The following CDH12 variants were observed in gnomAD, a reference collection of about 807,000 sequenced individuals.
CDH12 encodes the protein cadherin 12.
CDH12 carries 41 observed loss-of-function variants against 74.1 expected under a neutral mutation model. That is an observed-to-expected ratio of 0.55 (90% confidence interval 0.43 to 0.72). The LOEUF is 0.72. Ranked by LOEUF, CDH12 falls within the 30% of genes least tolerant of loss-of-function variation. CDH12 has a pLI of 0.00. For synonymous variants in CDH12, 399 were observed against 355.0 expected (o/e 1.12, Z -1.39); for missense variants, 945 against 977.2 (o/e 0.97, Z 0.44).
At chr5:21,946,287 T>C (rs1276652565) in intron 6 of CDH12, among the ~76,000 whole-genome samples, 1 of 152,132 alleles carries the variant, frequency 6.6e-6, no homozygotes, top group Non-Finnish European at 1.5e-5. Context: ...AAAGAAATGA[T>C]AAAAGAAGAA....
intron 3 of CDH12, among the ~76,000 whole-genome samples, chr5:22,400,970 G>A (rs948810665): frequency 6.6e-6 from 1 of 152,032 alleles, no homozygotes; most frequent in African/African-American, 2.4e-5. Flanking sequence ...TGTGCTTCGT[G>A]GAGAAGAGCA....
At chr5:21,792,221 C>T (rs551037717) in intron 10 of CDH12, among the ~76,000 whole-genome samples, 1 of 152,000 alleles carries the variant, frequency 6.6e-6, no homozygotes, top group Non-Finnish European at 1.5e-5. Flanking sequence ...TGTAATTTCT[C>T]CATCAGCAAT....
intron 3 of CDH12, among the ~76,000 whole-genome samples, chr5:22,390,829 A>G (rs150976234): frequency 2.6e-4 from 40 of 152,278 alleles, no homozygotes; most frequent in African/African-American, 8.9e-4. Context: ...TTAATACATA[A>G]TCTTAAACAT....
intron 3 of CDH12, among the ~76,000 whole-genome samples, chr5:22,322,647 T>C (rs1233103967): frequency 1.3e-5 from 2 of 152,212 alleles, no homozygotes; most frequent in Non-Finnish European, 2.9e-5. Flanking sequence ...TTTGAATCTG[T>C]CTTTCTAAAT....
chr5:22,681,228 G>GGGGTGTGTGT (rs1428206303), intron 1 of CDH12, among the ~76,000 whole-genome samples: 7 of 105,754 alleles, frequency 6.6e-5, no homozygotes, highest in African/African-American at 1.6e-4. Context: ...GGTATTGGGG[G>GGGGTGTGTGT]GTGTGTGTGT....
chr5:22,640,462 T>G (rs1038386897), intron 1 of CDH12, among the ~76,000 whole-genome samples: 2 of 152,178 alleles, frequency 1.3e-5, no homozygotes, highest in Non-Finnish European at 2.9e-5. Flanking sequence ...TTTCTAATTC[T>G]CCTCTACTTC....
chr5:22,327,882 T>C (rs1739187988), intron 3 of CDH12, among the ~76,000 whole-genome samples: 1 of 152,202 alleles, frequency 6.6e-6, no homozygotes, highest in Non-Finnish European at 1.5e-5. Flanking sequence ...ATTTGATAAA[T>C]AGATTCCAAA....
At chr5:21,791,234 T>C (rs1746480701) in intron 10 of CDH12, among the ~76,000 whole-genome samples, 3 of 152,058 alleles carry the variant, frequency 2.0e-5, no homozygotes, top group Admixed American at 2.0e-4. Context: ...AAATATTTTC[T>C]ATTGTGATAT....
rs1554018728 is a variant in CDH12 at position 22,185,199 on chromosome 5, C to CTCTCTCT, written c.-187+27298_-187+27299insAGAGAGA. On this transcript the variant is annotated intron_variant, in intron 4 of 14. Transcript: ENST00000382254. ...CAGAGTCCTCCTTCTCTCTCTCTCTCTTTTTTTTTTTTTTTTGAGAAGGAG... is the reference window on the plus strand; with the variant it reads ...CAGAGTCCTCCTTCTCTCTCTCTCTCTCTCTCTTTTTTTTTTTTTTTTTGAGAAGGAG... Among the ~76,000 whole-genome samples, 10 of 138,118 alleles carry CTCTCTCT rather than the reference C, an allele frequency of 7.2e-5. No individual in the cohort carries two copies. In the South Asian group the frequency reaches 2.3e-3, roughly 32 times the overall value. The allele number at this position is 138,118 out of a possible 152,430, so 90.6% of individuals were successfully genotyped here. A position where few individuals can be genotyped will look rare whatever the true frequency, so the allele number is the denominator to read the frequency against.
intron 3 of CDH12, among the ~76,000 whole-genome samples, chr5:22,368,466 A>T (rs1394982741): frequency 6.7e-5 from 9 of 135,294 alleles, no homozygotes; most frequent in Admixed American, 1.5e-4. Context: ...AGTCTGGCTA[A>T]TTTTTTTTTT....
chr5:22,378,641 T>C (rs565795015), intron 3 of CDH12, among the ~76,000 whole-genome samples: 41 of 152,248 alleles, frequency 2.7e-4, no homozygotes, highest in African/African-American at 9.4e-4. Context: ...ATTTATTGCA[T>C]GCATTTTGGT....
At chr5:22,609,515 A>T (rs1737288681) in intron 1 of CDH12, among the ~76,000 whole-genome samples, 1 of 152,190 alleles carries the variant, frequency 6.6e-6, no homozygotes, top group Admixed American at 6.5e-5. Flanking sequence ...TCAGAATATA[A>T]ATGTTCACAA....
intron 2 of CDH12, among the ~76,000 whole-genome samples, chr5:22,431,790 GC>G (rs1744183509): frequency 6.6e-6 from 1 of 152,144 alleles, no homozygotes; most frequent in Non-Finnish European, 1.5e-5. Flanking sequence ...AACAGAAAAA[GC>G]TTATAGAATA....
Position 22,138,845 on chromosome 5 carries a change from AATATATATATATATAT to A in CDH12, c.-186-59999_-186-59984del, listed in dbSNP as rs67115449. 1.6e-4 allele frequency among the ~76,000 whole-genome samples: 12 copies of A among 76,578 alleles called. 1 individual carries two copies. The highest frequency in any genetic ancestry group is 5.1e-4 in the Admixed American group (3 of 5,868). The allele number at this position is 76,578 out of a possible 152,430, so 50.2% of individuals were successfully genotyped here. A position where few individuals can be genotyped will look rare whatever the true frequency, so the allele number is the denominator to read the frequency against. On this transcript the variant is annotated intron_variant, in intron 4 of 14. Coordinates refer to ENST00000382254, the MANE Select transcript of CDH12 (RefSeq NM_004061.5). Reference sequence around the variant, plus strand: ...AATATATATGTGTACATATATACGTAATATATATATATATATATATATATATATATACATGTTGGAC... The same window carrying A: ...AATATATATGTGTACATATATACGTAATATATATATATATACATGTTGGAC...
intron 3 of CDH12, among the ~76,000 whole-genome samples, chr5:22,303,503 A>G (rs1245060052): frequency 6.6e-6 from 1 of 152,166 alleles, no homozygotes; most frequent in African/African-American, 2.4e-5. Context: ...TGAGGGCTAT[A>G]GAATTAATGG....
intron 11 of CDH12, among the ~76,000 whole-genome samples, chr5:21,779,056 A>C (rs1001362401): frequency 1.3e-5 from 2 of 151,888 alleles, no homozygotes; most frequent in Non-Finnish European, 2.9e-5. Flanking sequence ...TTTTTAACTT[A>C]TTCCACAATA....
intron 6 of CDH12, among the ~76,000 whole-genome samples, chr5:21,929,974 G>A (rs963517884): frequency 2.0e-5 from 3 of 152,142 alleles, no homozygotes; most frequent in Admixed American, 6.6e-5. Context: ...CTCATTTTGA[G>A]TATCAGATGG....
chr5:22,773,977 C>CA (rs1390719960), intron 1 of CDH12, among the ~76,000 whole-genome samples: 2 of 151,884 alleles, frequency 1.3e-5, no homozygotes, highest in African/African-American at 4.8e-5. Flanking sequence ...ATTAAAATGT[C>CA]AAAAAACAAC....
intron 2 of CDH12, among the ~76,000 whole-genome samples, chr5:22,480,582 CA>C (rs10712028): frequency 0.62 from 85,400 of 137,348 alleles, 25,502 homozygotes; most frequent in Admixed American, 0.69. Context: ...AGCCCTATCT[CA>C]AAAAAAAAAA....
Sources: gnomAD v4.1 joint callset for allele counts (sites outside exome capture counted in the v4.1 genomes callset) on GRCh38, gnomAD v4.1.1 for gene constraint, MANE v1.5 for transcripts, NCBI Gene and HGNC (gene_info 2026-07-23, HGNC 2026-07-21) for gene names.